ABCB7: variants seen among roughly 807,000 people sequenced by gnomAD.
ABCB7 encodes ATP binding cassette subfamily B member 7.
ABCB7 carries 7 observed loss-of-function variants against 54.4 expected under a neutral mutation model. That is an observed-to-expected ratio of 0.13 (90% CI 0.07 to 0.24). The LOEUF is 0.24. Among genes scored for constraint, ABCB7 ranks in the 10% least tolerant of loss-of-function variants. The pLI, the probability that ABCB7 is intolerant of heterozygous loss-of-function variation, is 1.00. For missense variants in ABCB7, 356 were observed against 570.4 expected, an observed-to-expected ratio of 0.62 and a Z score of 3.83; for synonymous variants, 218 against 207.1, an observed-to-expected ratio of 1.05 and a Z score of -0.45.
rs1029747021 is a variant in ABCB7, at chrX:75,071,631, G to A, written c.1085C>T (p.Thr362Met). The change falls in exon 9 of 16, where the codon ACG (threonine) becomes ATG (methionine). Residue 362 changes from threonine (T) to methionine (M), a missense_variant. Coordinates refer to ENST00000373394, the MANE Select transcript of ABCB7 (RefSeq NM_001271696.3). ...ACTTTTCAATGAAGCAGTCTCATACGTCTTCAAAAATCCATCATATCTCTG... is the reference window on the plus strand; with the variant it reads ...ACTTTTCAATGAAGCAGTCTCATACATCTTCAAAAATCCATCATATCTCTG... The part of the protein sequence containing the change: ...EAQRYDGFLK[T>M]YETASLKSTS... The A allele has an allele frequency of 5.0e-6, 6 of 1,204,158 alleles. No individual in the cohort carries two copies. The highest frequency in any genetic ancestry group is 2.2e-5 in the Admixed American group (1 of 45,876).
intron 3 of ABCB7, among the ~76,000 whole-genome samples, chrX:75,102,944 A>G (rs957560485): frequency 8.9e-6 from 1 of 111,741 alleles, no homozygotes; most frequent in East Asian, 2.8e-4. Flanking sequence ...TTGGTCATCA[A>G]TATGTCTTCT....
intron 1 of ABCB7, among the ~76,000 whole-genome samples, chrX:75,152,267 T>C (rs913778213): frequency 2.7e-5 from 3 of 112,012 alleles, no homozygotes; most frequent in African/African-American, 9.7e-5. Flanking sequence ...GGTGGAGTCA[T>C]TGGGAGGTGA....
At chrX:75,101,137 T>C (rs757050591) in intron 3 of ABCB7, among the ~76,000 whole-genome samples, 3 of 111,144 alleles carry the variant, frequency 2.7e-5, no homozygotes, top group East Asian at 5.7e-4. Flanking sequence ...TACTTTTTTA[T>C]GGCCTTTTGT....
At chrX:75,153,421 T>C (rs1569252991) in intron 1 of ABCB7, among the ~76,000 whole-genome samples, 1 of 110,954 alleles carries the variant, frequency 9.0e-6, no homozygotes, top group Non-Finnish European at 1.9e-5. Flanking sequence ...AAATATAGAA[T>C]AGGAGGATTA....
At position 75,108,078 on chromosome X, in the gene ABCB7, T is replaced by C. The variant is rs754740847; in HGVS notation, c.333+4808A>G. Among the ~76,000 whole-genome samples, 21 of 111,134 alleles carry C rather than the reference T, an allele frequency of 1.9e-4. No individual in the cohort carries two copies. In the East Asian group the frequency reaches 5.7e-3, roughly 30 times the overall value. The stretch of plus-strand genomic sequence containing the variant: ...TAGTCTGGCAGTACTCCCCGTGACC[T>C]GTGGTGGCTGTGGCTACAGAGTGAG... On this transcript the variant is annotated intron_variant, in intron 3 of 15. Coordinates refer to ENST00000373394, the MANE Select transcript of ABCB7 (RefSeq NM_001271696.3).
intron 6 of ABCB7, among the ~76,000 whole-genome samples, chrX:75,075,077 C>T (rs751388676): frequency 1.3e-4 from 15 of 111,267 alleles, no homozygotes; most frequent in Non-Finnish European, 1.9e-4. Context: ...GCATATTAGT[C>T]CAATGTCATA....
At chrX:75,115,205 C>T (rs1463102602) in intron 1 of ABCB7, among the ~76,000 whole-genome samples, 2 of 87,396 alleles carry the variant, frequency 2.3e-5, no homozygotes, top group Non-Finnish European at 4.2e-5. Flanking sequence ...GAGGTGGAGG[C>T]TGCAGTGAGC....
At chrX:75,134,975 A>G (rs909273636) in intron 1 of ABCB7, among the ~76,000 whole-genome samples, 2 of 110,870 alleles carry the variant, frequency 1.8e-5, no homozygotes, top group Non-Finnish European at 3.8e-5. Context: ...ACCAAAATCG[A>G]GCTAAACTGA....
intron 4 of ABCB7, among the ~76,000 whole-genome samples, chrX:75,097,070 C>T (rs2081597844): frequency 9.0e-6 from 1 of 111,658 alleles, no homozygotes; most frequent in African/African-American, 3.3e-5. Flanking sequence ...AAACACAGTT[C>T]TAACCTTATT....
intron 15 of ABCB7, among the ~76,000 whole-genome samples, chrX:75,058,969 A>G (rs2081261977): frequency 8.9e-6 from 1 of 111,748 alleles, no homozygotes; most frequent in South Asian, 3.8e-4. Context: ...ATACTGGAAA[A>G]ATCAGTTTGG....
intron 1 of ABCB7, among the ~76,000 whole-genome samples, chrX:75,122,294 G>A (rs1383368555): frequency 1.8e-5 from 2 of 111,872 alleles, no homozygotes; most frequent in East Asian, 2.8e-4. Context: ...ACCCACCAGC[G>A]CCATGACAGT....
At chrX:75,066,642 T>C (rs2147458117) in intron 12 of ABCB7, among the ~76,000 whole-genome samples, 1 of 109,681 alleles carries the variant, frequency 9.1e-6, no homozygotes, top group Admixed American at 1.0e-4. Context: ...CATAACATCA[T>C]GTTAGATACC....
intron 1 of ABCB7, among the ~76,000 whole-genome samples, chrX:75,123,102 T>C (rs1009736161): frequency 9.0e-6 from 1 of 111,235 alleles, no homozygotes. Flanking sequence ...CAAAAAATCA[T>C]TGCCAAGGGT....
chrX:75,055,577 AAAC>A (rs2081232526), intron 15 of ABCB7, among the ~76,000 whole-genome samples: 1 of 105,827 alleles, frequency 9.4e-6, no homozygotes, highest in South Asian at 4.1e-4. Context: ...AAAAAAAAAA[AAAC>A]AACCAAAAAA....
chrX:75,105,990 A>C (rs749382647), intron 3 of ABCB7, among the ~76,000 whole-genome samples: 1 of 111,893 alleles, frequency 8.9e-6, no homozygotes, highest in Non-Finnish European at 1.9e-5. Flanking sequence ...AAATTAACTA[A>C]GATCTAACTA....
At chrX:75,118,368 TA>T (rs1316515271) in intron 1 of ABCB7, among the ~76,000 whole-genome samples, 1 of 110,653 alleles carries the variant, frequency 9.0e-6, no homozygotes, top group Non-Finnish European at 1.9e-5. Context: ...ATCAGCCGGC[TA>T]AAGTCTGATA....
At chrX:75,094,022 A>G (rs1424488857) in intron 4 of ABCB7, among the ~76,000 whole-genome samples, 1 of 23,528 alleles carries the variant, frequency 4.3e-5, no homozygotes, top group Non-Finnish European at 3.5e-4. Flanking sequence ...TTATATACAT[A>G]TATATATATA....
intron 5 of ABCB7, among the ~76,000 whole-genome samples, chrX:75,076,109 A>G (rs1569222605): frequency 8.9e-6 from 1 of 111,879 alleles, no homozygotes. Context: ...TTCAAATTGT[A>G]GATTTGTGTC....
chrX:75,128,097 A>T (rs2081947487), intron 1 of ABCB7, among the ~76,000 whole-genome samples: 1 of 111,949 alleles, frequency 8.9e-6, no homozygotes, highest in Non-Finnish European at 1.9e-5. Context: ...CAAAAGAACT[A>T]CTTTAAATTT....
Sources: allele counts gnomAD v4.1 joint callset (sites outside exome capture counted in the v4.1 genomes callset), GRCh38; gene constraint gnomAD v4.1.1; transcripts MANE v1.5; gene names NCBI Gene and HGNC (gene_info 2026-07-23, HGNC 2026-07-21).